RUNDC3B: variants seen among roughly 807,000 people sequenced by gnomAD.
The protein encoded by RUNDC3B is RUN domain containing 3B, also known as RUN domain-containing protein 3B.
In RUNDC3B, 33 loss-of-function variants were observed where a neutral mutation model predicts 58.4. The ratio of observed to expected loss-of-function variants is 0.56; its 90% CI spans 0.43 to 0.75. RUNDC3B has a LOEUF of 0.75. Among genes scored for constraint, RUNDC3B ranks in the 30% least tolerant of loss-of-function variants. The pLI is 0.00. For synonymous variants in RUNDC3B, 193 were observed against 195.2 expected (o/e 0.99, Z 0.10); for missense variants, 501 against 535.7 (o/e 0.94, Z 0.64).
rs79219859 is a variant in RUNDC3B, at chr7:87,763,627, A to G, written c.630-6954A>G. On this transcript the variant is annotated intron_variant, in intron 6 of 10. Transcript: ENST00000394654. ...CTTCCATTTTACAAGTTCTTTCTTCAATTGTATCTGATTTTTAGGCAATCC... is the reference window on the plus strand; with the variant it reads ...CTTCCATTTTACAAGTTCTTTCTTCGATTGTATCTGATTTTTAGGCAATCC... Among the ~76,000 whole-genome samples, 2,129 of 151,654 alleles carry G rather than the reference A, an allele frequency of 0.014. 209 individuals carry two copies. In the East Asian group the frequency reaches 0.25, roughly 18 times the overall value.
chr7:87,650,734 C>CT lies in RUNDC3B; in HGVS notation c.123-86dup, dbSNP rs925150847. 31 of 752,176 alleles carry CT rather than the reference C, an allele frequency of 4.1e-5. No homozygotes were observed. In the Admixed American group the frequency reaches 6.4e-4, roughly 16 times the overall value. The allele number at this position is 752,176 out of a possible 1,614,324, so 46.6% of individuals were successfully genotyped here. On this transcript the variant is annotated intron_variant, in intron 1 of 10. Transcript: ENST00000394654. Reference sequence around the variant, plus strand: ...ACTCTTGTAAAATATTTTTACAACTCTTCCCCAAATTGCCTTCCTCCCATT... The same window carrying CT: ...ACTCTTGTAAAATATTTTTACAACTCTTTCCCCAAATTGCCTTCCTCCCATT...
intron 7 of RUNDC3B, among the ~76,000 whole-genome samples, chr7:87,771,516 A>G (rs1834282618): frequency 1.3e-5 from 2 of 152,232 alleles, no homozygotes; most frequent in African/African-American, 4.8e-5. Flanking sequence ...ATAATCTGAA[A>G]GTATCTACAT....
At chr7:87,649,548 T>A (rs1387092217) in intron 1 of RUNDC3B, among the ~76,000 whole-genome samples, 1 of 152,226 alleles carries the variant, frequency 6.6e-6, no homozygotes, top group Non-Finnish European at 1.5e-5. Flanking sequence ...ATTGAGAAGA[T>A]GACATTTGAG....
intron 1 of RUNDC3B, among the ~76,000 whole-genome samples, chr7:87,647,918 C>T (rs1379223229): frequency 6.6e-6 from 1 of 152,094 alleles, no homozygotes; most frequent in Non-Finnish European, 1.5e-5. Flanking sequence ...GGCACGGTGG[C>T]TCATGCCTGT....
chr7:87,798,227 A>T (rs1380716173), intron 8 of RUNDC3B, among the ~76,000 whole-genome samples: 2 of 152,184 alleles, frequency 1.3e-5, no homozygotes, highest in East Asian at 3.8e-4. Context: ...TCTATATAGG[A>T]ATTTAACAAA....
chr7:87,642,115 T>C (rs927888156), intron 1 of RUNDC3B, among the ~76,000 whole-genome samples: 1 of 151,788 alleles, frequency 6.6e-6, no homozygotes, highest in Non-Finnish European at 1.5e-5. Context: ...TTTATTTAAA[T>C]TAGATTTATT....
intron 4 of RUNDC3B, among the ~76,000 whole-genome samples, chr7:87,730,082 C>A (rs1184257986): frequency 6.6e-6 from 1 of 152,270 alleles, no homozygotes; most frequent in East Asian, 1.9e-4. Flanking sequence ...CAGTGGTACC[C>A]AGGCAGTTCT....
At chr7:87,778,535 TG>T (rs1217398504) in intron 8 of RUNDC3B, among the ~76,000 whole-genome samples, 2 of 152,090 alleles carry the variant, frequency 1.3e-5, no homozygotes, top group Non-Finnish European at 2.9e-5. Context: ...GGTTATAACT[TG>T]GTGTATATTA....
At chr7:87,716,956 T>C (rs1267670718) in intron 4 of RUNDC3B, among the ~76,000 whole-genome samples, 1 of 152,186 alleles carries the variant, frequency 6.6e-6, no homozygotes, top group South Asian at 2.1e-4. Context: ...TCCAAATTAG[T>C]TGGCTAACTT....
chr7:87,802,884 T>G (rs747049455), intron 8 of RUNDC3B, among the ~76,000 whole-genome samples: 10 of 151,978 alleles, frequency 6.6e-5, no homozygotes. Flanking sequence ...TATTGGGAGA[T>G]GGAGGTGGGA....
intron 7 of RUNDC3B, among the ~76,000 whole-genome samples, chr7:87,777,570 C>G (rs1834702016): frequency 6.6e-6 from 1 of 152,046 alleles, no homozygotes; most frequent in African/African-American, 2.4e-5. Context: ...TAAGTTTTGC[C>G]TCAAATTACA....
intron 2 of RUNDC3B, 144 bp from the exon 3 acceptor site, chr7:87,700,277 C>A (rs1306302461): frequency 1.4e-5 from 9 of 620,892 alleles, no homozygotes; most frequent in Non-Finnish European, 2.1e-5. Flanking sequence ...AGATTTGAGG[C>A]TTTTTGACAC....
In RUNDC3B at chr7:87,694,064, A is replaced by T. The variant is rs1024578069; in HGVS notation, c.239-6357A>T. ...TAAGTGATCTTTTTTAGTACATTGC[A>T]TGGGTTTTGTAAAGCCTTCTTTTTT... On this transcript the variant is annotated intron_variant, in intron 2 of 10. Coordinates refer to ENST00000394654, the MANE Select transcript of RUNDC3B (RefSeq NM_001134405.2). 2.0e-6 allele frequency: 3 copies of T among 1,532,304 alleles called. No homozygotes were observed. In the African/African-American group the frequency reaches 4.3e-5, roughly 22 times the overall value. The allele number at this position is 1,532,304 out of a possible 1,614,324, so 94.9% of individuals were successfully genotyped here.
chr7:87,695,089 T>G (rs1828385658), intron 2 of RUNDC3B, among the ~76,000 whole-genome samples: 1 of 152,136 alleles, frequency 6.6e-6, no homozygotes, highest in East Asian at 1.9e-4. Flanking sequence ...ACTAGCAATG[T>G]AAGTACAATT....
At chr7:87,630,508 T>C (rs889353140) in intron 1 of RUNDC3B, among the ~76,000 whole-genome samples, 1 of 152,094 alleles carries the variant, frequency 6.6e-6, no homozygotes, top group Non-Finnish European at 1.5e-5. Flanking sequence ...AGTAGGTAAA[T>C]GGAACCATAA....
intron 3 of RUNDC3B, among the ~76,000 whole-genome samples, chr7:87,701,947 T>G (rs915650638): frequency 6.6e-6 from 1 of 151,740 alleles, no homozygotes; most frequent in Non-Finnish European, 1.5e-5. Flanking sequence ...ATCGAGACCA[T>G]CCTGGCTAAC....
intron 8 of RUNDC3B, among the ~76,000 whole-genome samples, chr7:87,804,191 A>G (rs1836316952): frequency 6.6e-6 from 1 of 152,170 alleles, no homozygotes; most frequent in African/African-American, 2.4e-5. Context: ...TGGAATTTGG[A>G]TCTTTTGAAT....
chr7:87,796,503 G>C (rs567443975), intron 8 of RUNDC3B, among the ~76,000 whole-genome samples: 2 of 152,178 alleles, frequency 1.3e-5, no homozygotes, highest in Non-Finnish European at 2.9e-5. Flanking sequence ...TAAGGGGATG[G>C]CCCTACTCTT....
At chr7:87,659,386 A>G (rs1824464090) in intron 2 of RUNDC3B, among the ~76,000 whole-genome samples, 2 of 152,022 alleles carry the variant, frequency 1.3e-5, no homozygotes, top group African/African-American at 4.8e-5. Context: ...CTCTTTATAT[A>G]GATTTTTCAG....
Sources: allele counts gnomAD v4.1 joint callset (sites outside exome capture counted in the v4.1 genomes callset), GRCh38; gene constraint gnomAD v4.1.1; transcripts MANE v1.5; gene names NCBI Gene and HGNC (gene_info 2026-07-23, HGNC 2026-07-21).